SCN8A: variants seen among roughly 807,000 people sequenced by gnomAD.
SCN8A encodes the protein sodium channel protein type 8 subunit alpha.
SCN8A carries 30 observed loss-of-function variants against 184.1 expected under a neutral mutation model. That is an observed-to-expected ratio of 0.16 (90% CI 0.12 to 0.22). The LOEUF is 0.22. Among genes scored for constraint, SCN8A ranks in the 10% least tolerant of loss-of-function variants. The pLI is 1.00. For synonymous variants in SCN8A, 852 were observed against 907.0 expected (o/e 0.94, Z 1.09); for missense variants, 1,057 against 2,498.9 (o/e 0.42, Z 12.30).
At chr12:51,788,861 G>A (rs1447611821) in intron 23 of SCN8A, 113 bp downstream of exon 23, 10 of 770,496 alleles carry the variant, frequency 1.3e-5, no homozygotes, top group East Asian at 3.0e-5. Context: ...AGGAGTTGAC[G>A]TTTCTCTTTG....
rs1417844126 is a variant in SCN8A, at chr12:51,705,554, G to A, written c.1272G>A (p.Glu424=). ...YEEQNQATLE[E]AEQKEAEFKA... Reference sequence around the variant, plus strand: ...AACAGAATCAGGCAACACTGGAGGAGGCAGAACAAAAAGAGGCTGAATTTA... The same window carrying A: ...AACAGAATCAGGCAACACTGGAGGAAGCAGAACAAAAAGAGGCTGAATTTA... The change falls in exon 10 of 27, where the codon GAG becomes GAA. Residue 424 remains glutamate (E), a synonymous_variant. Transcript: ENST00000627620. 6.2e-7 allele frequency: 1 copy of A among 1,613,964 alleles called. No individual in the cohort carries two copies. The highest frequency in any genetic ancestry group is 8.5e-7 in the Non-Finnish European group (1 of 1,179,882).
chr12:51,747,061 A>T (rs1942521839), intron 13 of SCN8A, among the ~76,000 whole-genome samples: 1 of 142,328 alleles, frequency 7.0e-6, no homozygotes, highest in African/African-American at 2.7e-5. Flanking sequence ...TAGTCATTTA[A>T]ACCCAGTGCC....
chr12:51,741,984 G>A lies in SCN8A; in HGVS notation c.1999-3919G>A, dbSNP rs533276637. ...CTCCTAGAGTGCTGGGATTACAGGC[G>A]TGAGCCACTGCACCTGGCATAACCC... On this transcript the variant is annotated intron_variant, in intron 12 of 26. Coordinates refer to ENST00000627620, the MANE Select transcript of SCN8A (RefSeq NM_001330260.2). 4.8e-4 allele frequency among the ~76,000 whole-genome samples: 73 copies of A among 152,232 alleles called. 1 individual carries two copies. The South Asian group carries it at 0.01, about 21-fold the overall frequency.
intron 21 of SCN8A, 91 bp downstream of exon 21, chr12:51,780,862 A>G (rs1286386072): frequency 7.5e-7 from 1 of 1,339,430 alleles, no homozygotes; most frequent in East Asian, 3.0e-5. Flanking sequence ...AGATCATTCA[A>G]ACACGAATTC....
At chr12:51,777,563 G>A (rs941788015) in intron 20 of SCN8A, among the ~76,000 whole-genome samples, 3 of 152,120 alleles carry the variant, frequency 2.0e-5, no homozygotes, top group Non-Finnish European at 2.9e-5. Context: ...AGACTCAGAG[G>A]ATTATAAGAG....
chr12:51,712,683 C>T, intron 11 of SCN8A: 1 of 852,550 alleles, frequency 1.2e-6, no homozygotes, highest in Non-Finnish European at 2.0e-6. Context: ...TATCCTCCAC[C>T]ACCGCTACCA....
At chr12:51,744,548 C>T (rs1942479051) in intron 12 of SCN8A, among the ~76,000 whole-genome samples, 1 of 150,342 alleles carries the variant, frequency 6.7e-6, no homozygotes, top group Non-Finnish European at 1.5e-5. Flanking sequence ...GCCAAACAAA[C>T]AAAACAAACA....
chr12:51,806,381 A>G lies in SCN8A; in HGVS notation c.4895A>G (p.Lys1632Arg). ...ARIGRILRLI[K>R]GAKGIRTLLF... ...ATTGGGCGCATCTTGCGTCTGATCA[A>G]AGGCGCCAAAGGGATTCGTACCCTG... The change falls in exon 27 of 27, where the codon AAA (lysine) becomes AGA (arginine). Residue 1632 changes from lysine to arginine, a missense_variant. Around this residue, in one of 19 missense-constraint regions of SCN8A, gnomAD observed 7 missense variants for 92.0 expected, o/e 0.08. Transcript: ENST00000627620. This position sits in a 1 kb window ranked among gnomAD's most constrained non-coding sequence, Gnocchi z 8.7. 3 of 1,604,772 alleles carry G rather than the reference A, an allele frequency of 1.9e-6. No homozygotes were observed. Among genetic ancestry groups the G allele is most frequent in the Non-Finnish European group, 2.6e-6 (3 of 1,173,504 alleles).
At chr12:51,698,384 T>C (rs1941630468) in intron 6 of SCN8A, among the ~76,000 whole-genome samples, 1 of 152,212 alleles carries the variant, frequency 6.6e-6, no homozygotes, top group South Asian at 2.1e-4. Context: ...AGTTCAGTGG[T>C]CTTGCCTTCA....
intron 3 of SCN8A, among the ~76,000 whole-genome samples, chr12:51,684,722 T>A (rs1040160858): frequency 4.9e-4 from 74 of 152,282 alleles, no homozygotes; most frequent in Non-Finnish European, 7.6e-4. Context: ...TTTTAAAAAA[T>A]TTTTTGAGCA....
intron 1 of SCN8A, among the ~76,000 whole-genome samples, chr12:51,617,384 T>C (rs542003193): frequency 1.3e-5 from 2 of 152,340 alleles, no homozygotes; most frequent in East Asian, 1.9e-4. Context: ...TATTATACTA[T>C]TGAGCCCATC....
rs528930188 is a variant in SCN8A at position 51,772,848 on chromosome 12, G to A, written c.3646-1341G>A. ...ACAAAAAAAATTAACCGGGCATGGTGTCTCACACCTGTAATCCCAGCACTT... is the reference window on the plus strand; with the variant it reads ...ACAAAAAAAATTAACCGGGCATGGTATCTCACACCTGTAATCCCAGCACTT... On this transcript the variant is annotated intron_variant, in intron 19 of 26. Transcript: ENST00000627620. Among the ~76,000 whole-genome samples the A allele has an allele frequency of 5.6e-4, 79 of 141,800 alleles. 2 individuals are homozygous for A. The highest frequency in any genetic ancestry group is 1.9e-3 in the African/African-American group (72 of 38,086). 93.0% of individuals were successfully genotyped at this position (141,800 alleles called of 152,430 possible).
chr12:51,701,366 A>G (rs1173865460), intron 8 of SCN8A, among the ~76,000 whole-genome samples, 159 bp downstream of exon 8: 1 of 152,202 alleles, frequency 6.6e-6, no homozygotes, highest in African/African-American at 2.4e-5. Context: ...TTTGTTTCAC[A>G]TTTGTCTATC....
At chr12:51,679,370 G>T (rs989148125) in intron 2 of SCN8A, among the ~76,000 whole-genome samples, 7 of 152,196 alleles carry the variant, frequency 4.6e-5, no homozygotes, top group African/African-American at 1.7e-4. Flanking sequence ...ATCTGTTTTT[G>T]TATGGCCCAC....
chr12:51,708,547 T>A (rs1356842953), intron 11 of SCN8A, among the ~76,000 whole-genome samples: 1 of 152,168 alleles, frequency 6.6e-6, no homozygotes, highest in Admixed American at 6.5e-5. Context: ...ATATCCAGTG[T>A]CTTTTCTTTT....
At chr12:51,665,430 A>T (rs2138675670) in intron 2 of SCN8A, among the ~76,000 whole-genome samples, 1 of 152,350 alleles carries the variant, frequency 6.6e-6, no homozygotes, top group East Asian at 1.9e-4. Flanking sequence ...GGTAATCTTG[A>T]AAAAATATAT....
chr12:51,722,480 T>C (rs1942085189), intron 12 of SCN8A: 1 of 154,150 alleles, frequency 6.5e-6, no homozygotes, highest in Non-Finnish European at 1.4e-5. Context: ...AAAAAAGTAA[T>C]TGAGTTTTGA....
At chr12:51,664,024 C>T (rs1362156480) in intron 2 of SCN8A, among the ~76,000 whole-genome samples, 3 of 149,180 alleles carry the variant, frequency 2.0e-5, no homozygotes, top group Non-Finnish European at 1.5e-5. Flanking sequence ...ATTCTCCTGC[C>T]TCACTCTCCT....
At chr12:51,790,523 GA>G in intron 25 of SCN8A, 21 bp downstream of exon 25, 1 of 1,529,568 alleles carries the variant, frequency 6.5e-7, no homozygotes, top group Non-Finnish European at 9.0e-7. Context: ...TGTGCAGGCT[GA>G]GGCCTTGGTG....
Sources: allele counts gnomAD v4.1 joint callset (sites outside exome capture counted in the v4.1 genomes callset), GRCh38; gene constraint gnomAD v4.1.1; regional missense constraint gnomAD v4.1.1; non-coding constraint Gnocchi (gnomAD v3.1); transcripts MANE v1.5; gene names NCBI Gene and HGNC (gene_info 2026-07-23, HGNC 2026-07-21).